Variants in STK25 observed in about 807,000 individuals in gnomAD.
STK25 encodes serine/threonine-protein kinase 25.
A neutral mutation model predicts 53.8 loss-of-function variants in STK25; 29 were observed. That is an observed-to-expected ratio of 0.54 (90% CI 0.40 to 0.74). The LOEUF (loss-of-function observed/expected upper bound fraction) is 0.74. STK25 is among the 30% of genes least tolerant of loss of function. The pLI, the probability that STK25 is intolerant of heterozygous loss-of-function variation, is 0.00. For synonymous variants in STK25, 247 were observed against 238.3 expected (o/e 1.04, Z -0.33); for missense variants, 420 against 568.0 (o/e 0.74, Z 2.65).
upstream of STK25, chr2:241,509,296 G>C (rs1320386428): frequency 6.6e-6 from 1 of 152,386 alleles, no homozygotes; most frequent in African/African-American, 2.4e-5. Flanking sequence ...CGCGGGACGC[G>C]CCCAGGACAG....
chr2:241,508,512 C>A lies in STK25; in HGVS notation c.-170G>T. ...GCCCGCGAAGGCTCCCACCCGCAGCCTCTGTTCGCCCGGGGACCCCGGGCC... is the reference window on the plus strand; with the variant it reads ...GCCCGCGAAGGCTCCCACCCGCAGCATCTGTTCGCCCGGGGACCCCGGGCC... On this transcript the variant is annotated 5_prime_UTR_variant, in exon 1 of 12. It adds an upstream start codon to the 5' untranslated region. Coordinates refer to ENST00000316586, the MANE Select transcript of STK25 (RefSeq NM_001271977.2). 9.9e-7 allele frequency: 1 copy of A among 1,013,742 alleles called. No homozygotes were observed. The highest frequency in any genetic ancestry group is 3.4e-5 in the South Asian group (1 of 29,358). The allele number at this position is 1,013,742 out of a possible 1,614,324, so 62.8% of individuals were successfully genotyped here.
Position 241,495,724 on chromosome 2 carries a change from C to G in STK25, c.1242-23G>C, listed in dbSNP as rs373644049. Reference sequence around the variant, plus strand: ...AACCTGCAGAGAGAAGAGCCCACTGCTGCGTGCGTGCACCTCTGTGCCCAG... The same window carrying G: ...AACCTGCAGAGAGAAGAGCCCACTGGTGCGTGCGTGCACCTCTGTGCCCAG... On this transcript the variant is annotated intron_variant, in intron 11 of 11. Coordinates refer to ENST00000316586, the MANE Select transcript of STK25 (RefSeq NM_001271977.2). 3.7e-6 allele frequency: 6 copies of G among 1,613,762 alleles called. No homozygotes were observed. The African/African-American group carries it at 8.0e-5, about 22-fold the overall frequency.
rs34666467 is a variant in STK25, at chr2:241,499,957, T to G, written c.427+216A>C. On this transcript the variant is annotated intron_variant, in intron 5 of 11. Transcript: ENST00000316586. ...AAGTGTGGCCCTTTCCTACACTCAG[T>G]CCACAGCTGGTTTCCTCAGCGTACA... is the stretch of plus-strand genomic sequence containing the variant. 473 of 658,496 alleles carry G rather than the reference T, an allele frequency of 7.2e-4. 2 individuals carry two copies. In the East Asian group the frequency reaches 9.8e-3, roughly 14 times the overall value. 40.8% of individuals were successfully genotyped at this position (658,496 alleles called of 1,614,324 possible). A position where few individuals can be genotyped will look rare whatever the true frequency, so the allele number is the denominator to read the frequency against.
chr2:241,494,151 C>A lies in STK25; in HGVS notation c.*1511G>T. 1 of 1,380,598 alleles carries A rather than the reference C, an allele frequency of 7.2e-7. No individual in the cohort carries two copies. The highest frequency in any genetic ancestry group is 9.7e-7 in the Non-Finnish European group (1 of 1,033,980). The allele number at this position is 1,380,598 out of a possible 1,614,324, so 85.5% of individuals were successfully genotyped here. A position where few individuals can be genotyped will look rare whatever the true frequency, so the allele number is the denominator to read the frequency against. The stretch of plus-strand genomic sequence containing the variant: ...CGCTCAACCTGCCCAGGTTTGGACA[C>A]AACTACAAAGAACAGCAGGACACAG... On this transcript the variant is annotated 3_prime_UTR_variant, in exon 12 of 12. Coordinates refer to ENST00000316586, the MANE Select transcript of STK25 (RefSeq NM_001271977.2). The surrounding 1 kb of genome is among the most constrained non-coding windows in gnomAD (Gnocchi z 4.9).
rs187016257 is a variant in STK25, at chr2:241,497,483, A to T, written c.1104+133T>A. 2.4e-3 allele frequency: 2,172 copies of T among 900,044 alleles called. 22 individuals carry two copies. Among genetic ancestry groups the T allele is most frequent in the African/African-American group, 0.024 (1,460 of 61,062 alleles). 55.8% of individuals were successfully genotyped at this position (900,044 alleles called of 1,614,324 possible). On this transcript the variant is annotated intron_variant, in intron 10 of 11. Transcript: ENST00000316586. ...TCTGCTCCTTCCACTCAGAAAACCC[A>T]GCCCACAATCAGCTGCAGGAAAGCT... is the stretch of plus-strand genomic sequence containing the variant.
At chr2:241,504,748 A>G (rs2065720626) in intron 2 of STK25, among the ~76,000 whole-genome samples, 2 of 151,928 alleles carry the variant, frequency 1.3e-5, no homozygotes, top group African/African-American at 4.8e-5. Context: ...TCATCAGCCC[A>G]CTGGCTGTCA....
At chr2:241,509,151 C>T (rs1430967586), upstream of STK25, 1 of 152,410 alleles carries the variant, frequency 6.6e-6, no homozygotes, top group Non-Finnish European at 1.5e-5. Flanking sequence ...GCGCACCAGG[C>T]CTTGGAGAAG....
At chr2:241,506,320 G>A (rs2065825936) in intron 2 of STK25, among the ~76,000 whole-genome samples, 2 of 152,178 alleles carry the variant, frequency 1.3e-5, no homozygotes, top group South Asian at 4.1e-4. Flanking sequence ...AGGACAAAAG[G>A]AGCTTCCTAC....
At chr2:241,504,784 T>A (rs559800561) in intron 2 of STK25, among the ~76,000 whole-genome samples, 1 of 152,226 alleles carries the variant, frequency 6.6e-6, no homozygotes, top group Admixed American at 6.5e-5. Context: ...TGTTAAAATA[T>A]CACCCTCCTG....
chr2:241,493,730 G>C lies in STK25; in HGVS notation c.*1932C>G, dbSNP rs1485369023. ...CTGCCTCAGCCTCCTGAGTAACTGA[G>C]ATTACAGGCATGCACGCCACGCCGC... On this transcript the variant is annotated 3_prime_UTR_variant, in exon 12 of 12. Coordinates refer to ENST00000316586, the MANE Select transcript of STK25 (RefSeq NM_001271977.2). The C allele has an allele frequency of 5.9e-6, 3 of 512,718 alleles. No homozygotes were observed. Among genetic ancestry groups the C allele is most frequent in the African/African-American group, 5.7e-5 (3 of 52,184 alleles). The allele number at this position is 512,718 out of a possible 1,614,324, so 31.8% of individuals were successfully genotyped here.
chr2:241,501,387 T>C lies in STK25; in HGVS notation c.261+91A>G, dbSNP rs755949534. On this transcript the variant is annotated intron_variant, in intron 3 of 11. Transcript: ENST00000316586. This position sits in a 1 kb window ranked among gnomAD's most constrained non-coding sequence, Gnocchi z 5.3. ...CATGCACTGAACCGTCAAGACCGCC[T>C]TGCACCCTCTGGCATGTCACTCAGT... is the stretch of plus-strand genomic sequence containing the variant. 5.2e-6 allele frequency: 7 copies of C among 1,342,230 alleles called. No individual in the cohort carries two copies. The highest frequency in any genetic ancestry group is 7.3e-6 in the Non-Finnish European group (7 of 953,938). The allele number at this position is 1,342,230 out of a possible 1,614,324, so 83.1% of individuals were successfully genotyped here.
intron 10 of STK25, 147 bp downstream of exon 10, chr2:241,497,469 C>A: frequency 2.6e-6 from 2 of 778,400 alleles, no homozygotes; most frequent in Admixed American, 4.3e-5. Context: ...CTGCTCCTTC[C>A]ACTCAGAAAA....
rs763496859 is a variant in STK25 at position 241,500,725 on chromosome 2, T to C, written c.318+15A>G. ...GACACTGCATGACCCCCCACTGCCA[T>C]GGCCTATGCCTCACCAAGTCCAGTG... On this transcript the variant is annotated intron_variant, in intron 4 of 11. Transcript: ENST00000316586. 11 of 1,613,328 alleles carry C rather than the reference T, an allele frequency of 6.8e-6. No individual in the cohort carries two copies. Among genetic ancestry groups the C allele is most frequent in the Admixed American group, 6.7e-5 (4 of 59,916 alleles).
rs752811488 is a variant in STK25 at position 241,493,388 on chromosome 2, C to G, written c.*2274G>C. 3.7e-6 allele frequency: 6 copies of G among 1,613,980 alleles called. No homozygotes were observed. The highest frequency in any genetic ancestry group is 4.2e-6 in the Non-Finnish European group (5 of 1,180,002). ...TACACAAAGACTATGTTTTCAAGCT[C>G]CAGTTCAAATCCCACGTCTACTTCT... On this transcript the variant is annotated 3_prime_UTR_variant, in exon 12 of 12. Coordinates refer to ENST00000316586, the MANE Select transcript of STK25 (RefSeq NM_001271977.2).
intron 1 of STK25, 61 bp from the exon 2 acceptor site, chr2:241,508,196 G>T: frequency 1.5e-6 from 2 of 1,357,806 alleles, no homozygotes; most frequent in Non-Finnish European, 1.9e-6. Flanking sequence ...GACCTCCGGG[G>T]CGGCGGGCTC....
chr2:241,502,715 G>A (rs2065585373), intron 2 of STK25, among the ~76,000 whole-genome samples: 1 of 151,572 alleles, frequency 6.6e-6, no homozygotes, highest in Admixed American at 6.6e-5. Flanking sequence ...CTCCAGCCTG[G>A]GCAACAAGAG....
intron 2 of STK25, among the ~76,000 whole-genome samples, chr2:241,504,396 A>C (rs567203890): frequency 2.9e-4 from 44 of 152,312 alleles, no homozygotes; most frequent in African/African-American, 9.4e-4. Context: ...GAGTCCCCAA[A>C]GCCAAGGTCA....
Position 241,498,989 on chromosome 2 carries a change from G to C in STK25, c.771C>G (p.Phe257Leu). 6.2e-7 allele frequency: 1 copy of C among 1,613,638 alleles called. No individual in the cohort carries two copies. The highest frequency in any genetic ancestry group is 8.5e-7 in the Non-Finnish European group (1 of 1,179,742). ...VEACLNKDPR[F>L]RPTAKELLKH... ...GGACCGGGCCAGAGGCGGGCCTTAC[G>C]AATCGGGGGTCTTTGTTGAGGCAGG... The change falls in exon 7 of 12, where the codon TTC (phenylalanine) becomes TTG (leucine). Residue 257 changes from phenylalanine to leucine, a missense_variant and splice_region_variant. Physicochemically the swap from Phe to Leu is conservative, Grantham distance 22. Coordinates refer to ENST00000316586, the MANE Select transcript of STK25 (RefSeq NM_001271977.2).
rs141038876 is a variant in STK25, at chr2:241,495,675, G to A, written c.1268C>T (p.Thr423Ile). 5.0e-6 allele frequency: 8 copies of A among 1,614,136 alleles called. No homozygotes were observed. Among genetic ancestry groups the A allele is most frequent in the Non-Finnish European group, 5.1e-6 (6 of 1,180,054 alleles). ...QRFSHNRNHL[T>I]STR is the part of the protein sequence containing the mutation. ...CAGCAGTGCGCTTCAGCGGGTGGAT[G>A]TCAGGTGGTTTCTGTTGTGTGAAAA... Residue 423 changes from threonine (T) to isoleucine (I), a missense_variant, in exon 12 of 12, where the codon ACA (threonine) becomes ATA (isoleucine). Thr to Ile is a moderately conservative substitution (Grantham distance 89). Transcript: ENST00000316586.
Sources: allele counts gnomAD v4.1 joint callset (sites outside exome capture counted in the v4.1 genomes callset), GRCh38; gene constraint gnomAD v4.1.1; non-coding constraint Gnocchi (gnomAD v3.1); transcripts MANE v1.5; gene names NCBI Gene and HGNC (gene_info 2026-07-23, HGNC 2026-07-21).